Variants in UBE2D2 observed in about 807,000 individuals in gnomAD.
The protein encoded by UBE2D2 is ubiquitin conjugating enzyme E2 D2.
UBE2D2 carries 2 observed loss-of-function variants against 24.2 expected under a neutral mutation model. The ratio of observed to expected loss-of-function variants is 0.08; its 90% CI spans 0.03 to 0.26. The LOEUF (loss-of-function observed/expected upper bound fraction) is 0.26. Ranked by LOEUF, UBE2D2 falls within the 10% of genes least tolerant of loss-of-function variation. The pLI is 1.00. For synonymous variants in UBE2D2, 58 were observed against 56.5 expected (o/e 1.03, Z -0.12); for missense variants, 44 against 177.6 (o/e 0.25, Z 4.28).
intron 1 of UBE2D2, among the ~76,000 whole-genome samples, chr5:139,545,487 C>G (rs990598362): frequency 6.7e-6 from 1 of 149,774 alleles, no homozygotes; most frequent in Non-Finnish European, 1.5e-5. Flanking sequence ...AGCACAATGG[C>G]ATGATCTAGG....
intron 1 of UBE2D2, chr5:139,554,796 A>C (rs1336408476): frequency 6.6e-6 from 1 of 152,214 alleles, no homozygotes; most frequent in Non-Finnish European, 1.5e-5. Flanking sequence ...CTTGCAATGT[A>C]TGAGAGTTCC....
chr5:139,591,060 G>A (rs1417383882), intron 1 of UBE2D2, among the ~76,000 whole-genome samples: 4 of 150,728 alleles, frequency 2.7e-5, no homozygotes, highest in African/African-American at 9.7e-5. Flanking sequence ...ACATCCCAAA[G>A]TGCTGGGATT....
chr5:139,547,449 C>T (rs1277606282), intron 1 of UBE2D2, among the ~76,000 whole-genome samples: 6 of 151,998 alleles, frequency 3.9e-5, no homozygotes, highest in African/African-American at 9.7e-5. Context: ...CTCTTGACCT[C>T]GTGATCCACC....
chr5:139,562,684 A>G (rs919928317), intron 1 of UBE2D2, among the ~76,000 whole-genome samples: 5 of 152,162 alleles, frequency 3.3e-5, no homozygotes, highest in African/African-American at 4.8e-5. Context: ...TAGATTTTGT[A>G]TTAAAAAGGA....
In UBE2D2 at chr5:139,561,534, A is replaced by G. The variant is rs1323154880; in HGVS notation, c.-258A>G. ...CTGATCCTGGGAGGAAGAGGCAGCT[A>G]CGGCGGCGGCGGCGGTGGCGGCTAG... is the stretch of plus-strand genomic sequence containing the variant. On this transcript the variant is annotated 5_prime_UTR_variant, in exon 1 of 7. Transcript: ENST00000398733. 7.3e-6 allele frequency: 3 copies of G among 413,462 alleles called. No individual in the cohort carries two copies. The highest frequency in any genetic ancestry group is 8.5e-6 in the Non-Finnish European group (2 of 234,582). The allele number at this position is 413,462 out of a possible 1,614,324, so 25.6% of individuals were successfully genotyped here.
At chr5:139,526,247 G>A (rs1215433100), upstream of UBE2D2, among the ~76,000 whole-genome samples, 2 of 152,306 alleles carry the variant, frequency 1.3e-5, no homozygotes, top group Middle Eastern at 3.4e-3. Flanking sequence ...AGGGAGCTGG[G>A]ATTTTAAGGC....
chr5:139,550,756 C>T (rs915888538), intron 1 of UBE2D2, among the ~76,000 whole-genome samples: 3 of 151,352 alleles, frequency 2.0e-5, no homozygotes, highest in Non-Finnish European at 4.4e-5. Flanking sequence ...AGGTGTAATA[C>T]TCACTGTGAA....
At chr5:139,617,344 A>G (rs977432611) in intron 5 of UBE2D2, among the ~76,000 whole-genome samples, 4 of 146,646 alleles carry the variant, frequency 2.7e-5, no homozygotes, top group Admixed American at 6.8e-5. Flanking sequence ...TAGTTTTGGT[A>G]TTTGTGTGGT....
At chr5:139,590,688 G>A (rs954705019) in intron 1 of UBE2D2, among the ~76,000 whole-genome samples, 3 of 151,524 alleles carry the variant, frequency 2.0e-5, no homozygotes, top group Admixed American at 6.6e-5. Flanking sequence ...AGTTCTGGGA[G>A]GGTACACAGG....
intron 5 of UBE2D2, among the ~76,000 whole-genome samples, chr5:139,615,508 C>T (rs1015618232): frequency 2.0e-5 from 3 of 151,860 alleles, no homozygotes; most frequent in Non-Finnish European, 4.4e-5. Context: ...AAGATGGACA[C>T]TGGTATGAAT....
chr5:139,592,576 T>C (rs1228940106), intron 1 of UBE2D2, among the ~76,000 whole-genome samples: 1 of 151,736 alleles, frequency 6.6e-6, no homozygotes, highest in East Asian at 1.9e-4. Context: ...TTAACTGTTG[T>C]TTCTTTGCAG....
intron 1 of UBE2D2, among the ~76,000 whole-genome samples, chr5:139,549,578 C>T (rs75760249): frequency 1.3e-5 from 2 of 152,328 alleles, no homozygotes; most frequent in African/African-American, 4.8e-5. Flanking sequence ...AGCACCTGCC[C>T]GCAGGGCAGG....
At chr5:139,531,326 G>T in intron 1 of UBE2D2, among the ~76,000 whole-genome samples, 1 of 152,100 alleles carries the variant, frequency 6.6e-6, no homozygotes, top group Non-Finnish European at 1.5e-5. Flanking sequence ...TCCCTGCCCT[G>T]TTCTGTTTCT....
At chr5:139,602,162 C>A (rs1233398895) in intron 2 of UBE2D2, among the ~76,000 whole-genome samples, 1 of 152,006 alleles carries the variant, frequency 6.6e-6, no homozygotes, top group Non-Finnish European at 1.5e-5. Flanking sequence ...TGCCATTCTC[C>A]TGCCTCAGCC....
intron 1 of UBE2D2, among the ~76,000 whole-genome samples, chr5:139,597,248 A>G (rs1753981209): frequency 6.6e-6 from 1 of 152,156 alleles, no homozygotes; most frequent in Admixed American, 6.6e-5. Flanking sequence ...CAGCCACTGG[A>G]ACCATGGATC....
At chr5:139,603,666 C>T (rs753897340) in intron 2 of UBE2D2, among the ~76,000 whole-genome samples, 3 of 143,588 alleles carry the variant, frequency 2.1e-5, no homozygotes, top group African/African-American at 7.8e-5. Context: ...TGGTGTCTCA[C>T]GTCTGTACGC....
chr5:139,570,495 C>G (rs1286472312), intron 1 of UBE2D2, among the ~76,000 whole-genome samples: 2 of 151,934 alleles, frequency 1.3e-5, no homozygotes, highest in African/African-American at 4.8e-5. Flanking sequence ...TGCATGCCAC[C>G]ACGCCCGGCT....
intron 1 of UBE2D2, among the ~76,000 whole-genome samples, chr5:139,568,857 G>T (rs912573975): frequency 3.3e-5 from 5 of 152,084 alleles, no homozygotes; most frequent in African/African-American, 1.2e-4. Flanking sequence ...TGTGATCCCA[G>T]TTACTGGGGA....
At chr5:139,545,819 G>A (rs1475330880) in intron 1 of UBE2D2, among the ~76,000 whole-genome samples, 1 of 151,264 alleles carries the variant, frequency 6.6e-6, no homozygotes, top group East Asian at 1.9e-4. Flanking sequence ...CATCTCCCAG[G>A]TTCAAGTGAC....
Sources: allele counts gnomAD v4.1 joint callset (sites outside exome capture counted in the v4.1 genomes callset), GRCh38; gene constraint gnomAD v4.1.1; transcripts MANE v1.5; gene names NCBI Gene and HGNC (gene_info 2026-07-23, HGNC 2026-07-21).